LINGO2: variants seen among roughly 807,000 people sequenced by gnomAD.
LINGO2 encodes the protein leucine rich repeat and Ig domain containing 2, also known as leucine-rich repeat and immunoglobulin-like domain-containing nogo receptor-interacting protein 2.
A neutral mutation model predicts 30.6 loss-of-function variants in LINGO2; 14 were observed. The observed-to-expected ratio is 0.46, with a 90% CI of 0.30 to 0.72. LINGO2 has a LOEUF of 0.72. Ranked by LOEUF, LINGO2 falls within the 30% of genes least tolerant of loss-of-function variation. The pLI, the probability that LINGO2 is intolerant of heterozygous loss-of-function variation, is 0.07. For synonymous variants in LINGO2, 317 were observed against 288.5 expected (o/e 1.10, Z -1.00); for missense variants, 729 against 751.7 (o/e 0.97, Z 0.35).
the LINGO2 span, among the ~76,000 whole-genome samples, chr9:29,028,930 T>G: frequency 6.6e-6 from 1 of 152,166 alleles, no homozygotes; most frequent in African/African-American, 2.4e-5. Flanking sequence ...AAACATTTAC[T>G]AAGTGAAGAT....
At chr9:28,636,841 CA>C (rs1401852293) in intron 1 of LINGO2, among the ~76,000 whole-genome samples, 2 of 152,140 alleles carry the variant, frequency 1.3e-5, no homozygotes, top group Non-Finnish European at 2.9e-5. Context: ...TCCCATTTAT[CA>C]ATTTTGGCTT....
intron 4 of LINGO2, among the ~76,000 whole-genome samples, chr9:28,133,074 G>GC (rs1365749169): frequency 1.5e-5 from 2 of 136,678 alleles, no homozygotes; most frequent in African/African-American, 5.5e-5. Flanking sequence ...AAAAGCCTTT[G>GC]CCTATTATAT....
chr9:28,084,438 A>T (rs1158478429), intron 4 of LINGO2, among the ~76,000 whole-genome samples: 1 of 152,136 alleles, frequency 6.6e-6, no homozygotes, highest in African/African-American at 2.4e-5. Flanking sequence ...CTAAATTGAT[A>T]TCAATCACAT....
chr9:28,233,442 C>A (rs1821444646), intron 4 of LINGO2, among the ~76,000 whole-genome samples: 1 of 151,876 alleles, frequency 6.6e-6, no homozygotes, highest in African/African-American at 2.4e-5. Flanking sequence ...AATGACACTC[C>A]CAAACACCTA....
chr9:28,862,847 T>A, the LINGO2 span, among the ~76,000 whole-genome samples: 1 of 152,132 alleles, frequency 6.6e-6, no homozygotes, highest in Non-Finnish European at 1.5e-5. Flanking sequence ...TTAAAATAGT[T>A]AATCATCAAT....
the LINGO2 span, among the ~76,000 whole-genome samples, chr9:29,092,160 C>T: frequency 0.23 from 34,843 of 151,740 alleles, 4,119 homozygotes; most frequent in East Asian, 0.41. Context: ...TAGGTACTAA[C>T]GATATTTTAA....
chr9:28,458,909 C>T (rs945835636), intron 2 of LINGO2, among the ~76,000 whole-genome samples: 10 of 152,088 alleles, frequency 6.6e-5, no homozygotes, highest in African/African-American at 2.4e-4. Flanking sequence ...TAAAGTAGTA[C>T]GTGCCTATCC....
chr9:28,165,836 ATC>A (rs1828412566), intron 4 of LINGO2, among the ~76,000 whole-genome samples: 1 of 152,228 alleles, frequency 6.6e-6, no homozygotes, highest in African/African-American at 2.4e-5. Flanking sequence ...TGAAAACACA[ATC>A]TGTTTTACAT....
chr9:28,762,021 T>C, the LINGO2 span, among the ~76,000 whole-genome samples: 1 of 151,744 alleles, frequency 6.6e-6, no homozygotes, highest in South Asian at 2.1e-4. Flanking sequence ...TTCCCTCTAT[T>C]CTGTACCTTT....
intron 4 of LINGO2, among the ~76,000 whole-genome samples, chr9:28,199,538 C>A (rs1193766417): frequency 1.3e-5 from 2 of 152,050 alleles, no homozygotes; most frequent in Non-Finnish European, 2.9e-5. Flanking sequence ...CGAGGTTTCA[C>A]CGTGTTAGCC....
chr9:28,681,451 A>G, the LINGO2 span, among the ~76,000 whole-genome samples: 1 of 152,074 alleles, frequency 6.6e-6, no homozygotes, highest in Non-Finnish European at 1.5e-5. Context: ...TTTCTTATCA[A>G]GCTGCTCCTA....
At chr9:28,437,549 G>GCACA (rs58406750) in intron 2 of LINGO2, among the ~76,000 whole-genome samples, 55 of 147,684 alleles carry the variant, frequency 3.7e-4, no homozygotes, top group Admixed American at 8.1e-4. Flanking sequence ...ACACACAGAC[G>GCACA]CACACACACA....
chr9:29,118,756 T>C, the LINGO2 span, among the ~76,000 whole-genome samples: 1 of 152,076 alleles, frequency 6.6e-6, no homozygotes, highest in Non-Finnish European at 1.5e-5. Flanking sequence ...CTCTCCCCAG[T>C]GAATGGGCCC....
the LINGO2 span, among the ~76,000 whole-genome samples, chr9:28,722,854 T>C: frequency 6.6e-6 from 1 of 152,196 alleles, no homozygotes; most frequent in African/African-American, 2.4e-5. Context: ...TTCTCTGCTA[T>C]AGAGTCAAAG....
intron 2 of LINGO2, among the ~76,000 whole-genome samples, chr9:28,414,991 A>G (rs1189907212): frequency 1.3e-5 from 2 of 152,130 alleles, no homozygotes; most frequent in Non-Finnish European, 2.9e-5. Context: ...TTTGTGTCTA[A>G]AAGATAACAT....
intron 4 of LINGO2, among the ~76,000 whole-genome samples, chr9:28,069,426 A>G (rs1178247549): frequency 6.6e-6 from 1 of 152,190 alleles, no homozygotes; most frequent in East Asian, 1.9e-4. Flanking sequence ...TTATGGGAAG[A>G]GCAGGTTGTC....
chr9:28,054,285 G>A (rs1411319241), intron 4 of LINGO2, among the ~76,000 whole-genome samples: 4 of 152,092 alleles, frequency 2.6e-5, no homozygotes, highest in Non-Finnish European at 5.9e-5. Flanking sequence ...AGTTCAACCA[G>A]CAGGAGCTAC....
At chr9:28,044,764 A>T (rs1824341102) in intron 4 of LINGO2, among the ~76,000 whole-genome samples, 1 of 94,172 alleles carries the variant, frequency 1.1e-5, no homozygotes, top group Non-Finnish European at 2.3e-5. Flanking sequence ...AGCAGGTGGG[A>T]AGCATGTGTC....
intron 2 of LINGO2, among the ~76,000 whole-genome samples, chr9:28,425,117 T>G (rs1823350844): frequency 6.6e-6 from 1 of 151,572 alleles, no homozygotes; most frequent in African/African-American, 2.4e-5. Flanking sequence ...ATACATAATT[T>G]TCAACTTCTT....
Sources: allele counts gnomAD v4.1 joint callset (sites outside exome capture counted in the v4.1 genomes callset), GRCh38; gene constraint gnomAD v4.1.1; transcripts MANE v1.5; gene names NCBI Gene and HGNC (gene_info 2026-07-23, HGNC 2026-07-21).